PTPRK: variants seen among roughly 807,000 people sequenced by gnomAD.
PTPRK encodes receptor-type tyrosine-protein phosphatase kappa.
PTPRK carries 75 observed loss-of-function variants against 178.0 expected under a neutral mutation model. The ratio of observed to expected loss-of-function variants is 0.42; its 90% CI spans 0.35 to 0.51. The LOEUF (loss-of-function observed/expected upper bound fraction) is 0.51. Ranked by LOEUF, PTPRK falls within the 20% of genes least tolerant of loss-of-function variation. The pLI is 0.02. For synonymous variants in PTPRK, 637 were observed against 620.6 expected (o/e 1.03, Z -0.39); for missense variants, 1,441 against 1,797.8 (o/e 0.80, Z 3.59).
At chr6:128,435,620 T>C (rs543633263) in intron 1 of PTPRK, among the ~76,000 whole-genome samples, 2 of 152,272 alleles carry the variant, frequency 1.3e-5, no homozygotes, top group South Asian at 4.2e-4. Flanking sequence ...TTCTGGTGTA[T>C]GGTCTTAAAG....
intron 1 of PTPRK, among the ~76,000 whole-genome samples, chr6:128,414,735 G>A (rs1459858243): frequency 6.6e-6 from 1 of 151,922 alleles, no homozygotes; most frequent in Admixed American, 6.6e-5. Context: ...TAACCTAAAC[G>A]GTTTTATTAA....
chr6:128,211,447 T>C (rs1808149004), intron 6 of PTPRK, among the ~76,000 whole-genome samples: 1 of 152,156 alleles, frequency 6.6e-6, no homozygotes, highest in East Asian at 1.9e-4. Flanking sequence ...ACATCATTTA[T>C]CTTAACCCAG....
chr6:128,444,358 C>A (rs1846668633), intron 1 of PTPRK, among the ~76,000 whole-genome samples: 1 of 152,102 alleles, frequency 6.6e-6, no homozygotes, highest in African/African-American at 2.4e-5. Flanking sequence ...TTGCCTTTAG[C>A]AAGAATTCTG....
intron 22 of PTPRK, among the ~76,000 whole-genome samples, chr6:127,983,939 G>C (rs1167856480): frequency 1.4e-5 from 2 of 138,224 alleles, no homozygotes; most frequent in African/African-American, 5.3e-5. Context: ...TTATCAAAGG[G>C]GAGGAGAGTA....
chr6:128,324,468 G>A (rs186393872), intron 2 of PTPRK, among the ~76,000 whole-genome samples: 11 of 152,096 alleles, frequency 7.2e-5, no homozygotes, highest in Admixed American at 2.6e-4. Flanking sequence ...TAGGGAAACC[G>A]GATGGGCAAG....
At chr6:128,084,660 T>C (rs1035217288) in intron 8 of PTPRK, among the ~76,000 whole-genome samples, 1 of 152,208 alleles carries the variant, frequency 6.6e-6, no homozygotes, top group Non-Finnish European at 1.5e-5. Flanking sequence ...TGCACCAGCT[T>C]CTATTGACAA....
chr6:128,168,068 G>C (rs1295980704), intron 7 of PTPRK, among the ~76,000 whole-genome samples: 1 of 152,026 alleles, frequency 6.6e-6, no homozygotes, highest in South Asian at 2.1e-4. Flanking sequence ...GTACTTAGAA[G>C]TTAAAATCTC....
At position 128,074,757 on chromosome 6, in the gene PTPRK, G is replaced by A. The variant is rs78701023; in HGVS notation, c.1883+4056C>T. Among the ~76,000 whole-genome samples, 161 of 152,176 alleles carry A rather than the reference G, an allele frequency of 1.1e-3. 3 individuals carry two copies. The East Asian group carries it at 0.024, about 22-fold the overall frequency. On this transcript the variant is annotated intron_variant, in intron 11 of 29. Transcript: ENST00000368226. ...TACATTAGCATAGGGAAGCAGTAAT[G>A]GGTAACAGAAGGACAATGTGGTTGG...
Position 128,406,550 on chromosome 6 carries a change from A to G in PTPRK, c.101-8862T>C, listed in dbSNP as rs369155648. ...TTCTTCTCATTCTAAGCATAATTTA[A>G]TGACAGTTTAGCCTTCTGTCTGGTC... On this transcript the variant is annotated intron_variant, in intron 1 of 29. Transcript: ENST00000368226. Among the ~76,000 whole-genome samples, 6 of 152,242 alleles carry G rather than the reference A, an allele frequency of 3.9e-5. No individual in the cohort carries two copies. The East Asian group carries it at 7.7e-4, about 20-fold the overall frequency.
intron 21 of PTPRK, among the ~76,000 whole-genome samples, chr6:127,988,300 C>CTTTTTTTTT (rs374249275): frequency 8.5e-6 from 1 of 117,668 alleles, no homozygotes; most frequent in Non-Finnish European, 1.8e-5. Flanking sequence ...TTATGCTAAC[C>CTTTTTTTTT]TTTTTTTTTT....
rs181436915 is a variant in PTPRK at position 128,109,909 on chromosome 6, G to T, written c.1163-19917C>A. 4.9e-3 allele frequency among the ~76,000 whole-genome samples: 704 copies of T among 143,804 alleles called. 1 individual carries two copies. Among genetic ancestry groups the T allele is most frequent in the Non-Finnish European group, 4.9e-3 (308 of 62,916 alleles). 94.3% of individuals were successfully genotyped at this position (143,804 alleles called of 152,430 possible). ...GCAAGTGTATACACACTACTTTTTT[G>T]GGGGGGGAGGAGGAGAGACAGGCTC... On this transcript the variant is annotated intron_variant, in intron 7 of 29. Coordinates refer to ENST00000368226, the MANE Select transcript of PTPRK (RefSeq NM_002844.4).
intron 1 of PTPRK, among the ~76,000 whole-genome samples, chr6:128,457,736 G>A (rs1309237002): frequency 1.3e-5 from 2 of 152,084 alleles, no homozygotes; most frequent in African/African-American, 4.8e-5. Context: ...AATGACAAGA[G>A]TTTGTTTACT....
chr6:128,191,094 A>T (rs1803714199), intron 6 of PTPRK, among the ~76,000 whole-genome samples: 1 of 152,258 alleles, frequency 6.6e-6, no homozygotes, highest in Non-Finnish European at 1.5e-5. Context: ...AAATAAGCAC[A>T]CATGATTTCA....
intron 13 of PTPRK, among the ~76,000 whole-genome samples, chr6:128,039,169 A>T (rs185650018): frequency 5.5e-4 from 84 of 152,298 alleles, no homozygotes; most frequent in Non-Finnish European, 1.1e-3. Flanking sequence ...GCATCATTGC[A>T]TGTAATCCCA....
chr6:128,260,500 C>A (rs568238768), intron 3 of PTPRK, among the ~76,000 whole-genome samples: 3 of 152,052 alleles, frequency 2.0e-5, no homozygotes, highest in Non-Finnish European at 4.4e-5. Flanking sequence ...AAGAGGTATT[C>A]GGGTAAGAAA....
chr6:128,107,826 G>A (rs1216722202), intron 7 of PTPRK, among the ~76,000 whole-genome samples: 9 of 152,170 alleles, frequency 5.9e-5, no homozygotes, highest in African/African-American at 1.2e-4. Flanking sequence ...TTCACATGGA[G>A]AGGTATAATT....
intron 13 of PTPRK, among the ~76,000 whole-genome samples, chr6:128,052,724 A>G (rs1779226920): frequency 6.6e-6 from 1 of 152,152 alleles, no homozygotes; most frequent in African/African-American, 2.4e-5. Context: ...TTTTATAATT[A>G]TTAAGTTTTT....
chr6:128,237,070 A>G (rs1039922322), intron 5 of PTPRK, among the ~76,000 whole-genome samples: 2 of 152,236 alleles, frequency 1.3e-5, no homozygotes, highest in African/African-American at 2.4e-5. Flanking sequence ...CAGTTTTTCC[A>G]TAACAAATTA....
At chr6:128,350,392 T>C (rs573574955) in intron 2 of PTPRK, among the ~76,000 whole-genome samples, 1 of 152,140 alleles carries the variant, frequency 6.6e-6, no homozygotes, top group Non-Finnish European at 1.5e-5. Context: ...TTGTTAAAAT[T>C]CAAGAACAGG....
Sources: allele counts gnomAD v4.1 joint callset (sites outside exome capture counted in the v4.1 genomes callset), GRCh38; gene constraint gnomAD v4.1.1; transcripts MANE v1.5; gene names NCBI Gene and HGNC (gene_info 2026-07-23, HGNC 2026-07-21).